SNTG1: variants seen among roughly 807,000 people sequenced by gnomAD.
SNTG1 encodes the protein syntrophin gamma 1.
SNTG1 carries 39 observed loss-of-function variants against 74.7 expected under a neutral mutation model. The ratio of observed to expected loss-of-function variants is 0.52; its 90% CI spans 0.40 to 0.68. SNTG1 has a LOEUF of 0.68. Among genes scored for constraint, SNTG1 ranks in the 30% least tolerant of loss-of-function variants. The pLI is 0.00. For synonymous variants in SNTG1, 254 were observed against 217.1 expected (o/e 1.17, Z -1.49); for missense variants, 685 against 609.5 (o/e 1.12, Z -1.30).
chr8:50,355,035 C>T (rs1049308278), intron 2 of SNTG1, among the ~76,000 whole-genome samples: 2 of 152,096 alleles, frequency 1.3e-5, no homozygotes, highest in Admixed American at 6.6e-5. Context: ...CCTTGAGAAG[C>T]GTGCATTGTT....
At chr8:50,696,760 A>G (rs946401319) in intron 15 of SNTG1, among the ~76,000 whole-genome samples, 4 of 151,630 alleles carry the variant, frequency 2.6e-5, no homozygotes, top group African/African-American at 9.7e-5. Context: ...CACTTGACTG[A>G]TGGCTTTATT....
chr8:50,178,732 G>A (rs1007960344), intron 2 of SNTG1, among the ~76,000 whole-genome samples: 8 of 151,762 alleles, frequency 5.3e-5, no homozygotes, highest in African/African-American at 1.7e-4. Context: ...TTATCATATC[G>A]AGATATATAT....
At chr8:50,591,189 G>C (rs1407983725) in intron 13 of SNTG1, among the ~76,000 whole-genome samples, 1 of 152,030 alleles carries the variant, frequency 6.6e-6, no homozygotes, top group Non-Finnish European at 1.5e-5. Context: ...GAAGAACTTA[G>C]AGTTTTATTT....
chr8:50,530,212 C>T lies in SNTG1; in HGVS notation c.502C>T (p.Pro168Ser). ...TGACCAGAGCAGTGGCACCTCCTCT[C>T]CTCTCTGTGACAGTGGCTTACATCT... ...PSDQSSGTSS[P>S]LCDSGLHLNY... The change falls in exon 10 of 19, where the codon CCT becomes TCT. Residue 168 changes from proline to serine, a missense_variant. Physicochemically the swap from Pro to Ser is moderately conservative, Grantham distance 74. Transcript: ENST00000642720. 1 of 1,613,818 alleles carries T rather than the reference C, an allele frequency of 6.2e-7. No homozygotes were observed. The highest frequency in any genetic ancestry group is 8.5e-7 in the Non-Finnish European group (1 of 1,179,806).
intron 1 of SNTG1, among the ~76,000 whole-genome samples, chr8:49,996,530 G>T (rs1198880561): frequency 6.6e-6 from 1 of 151,842 alleles, no homozygotes; most frequent in Non-Finnish European, 1.5e-5. Flanking sequence ...CATAAAGCTT[G>T]GAATAAGGAC....
intron 5 of SNTG1, among the ~76,000 whole-genome samples, chr8:50,447,168 C>T (rs1311683661): frequency 5.9e-5 from 9 of 152,106 alleles, no homozygotes; most frequent in Admixed American, 5.9e-4. Context: ...AGTCAACCCT[C>T]AGAAAAACTC....
chr8:50,722,878 A>G (rs2095491147), intron 17 of SNTG1, among the ~76,000 whole-genome samples: 1 of 152,208 alleles, frequency 6.6e-6, no homozygotes, highest in Admixed American at 6.5e-5. Flanking sequence ...TTTTTAATGA[A>G]ACACTGTTTT....
At position 50,038,224 on chromosome 8, in the gene SNTG1, T is replaced by A. The variant is rs578049433; in HGVS notation, c.-103+125993T>A. Among the ~76,000 whole-genome samples the A allele has an allele frequency of 5.3e-5, 8 of 152,286 alleles. No homozygotes were observed. In the East Asian group the frequency reaches 1.2e-3, roughly 22 times the overall value. ...TCCACCCTTCCCTCTGGCTGATCTA[T>A]GTACCCCTGAAAATAGAGCATCCAG... is the stretch of plus-strand genomic sequence containing the variant. On this transcript the variant is annotated intron_variant, in intron 1 of 18. Coordinates refer to ENST00000642720, the MANE Select transcript of SNTG1 (RefSeq NM_018967.5).
chr8:50,762,586 A>G (rs1434615794), intron 18 of SNTG1: 1 of 376,360 alleles, frequency 2.7e-6, no homozygotes, highest in Non-Finnish European at 5.3e-6. Context: ...GCTTCTTGGG[A>G]GTCTCCAAAT....
At chr8:49,980,901 T>TA (rs1585754550) in intron 1 of SNTG1, among the ~76,000 whole-genome samples, 4 of 151,982 alleles carry the variant, frequency 2.6e-5, no homozygotes, top group Non-Finnish European at 4.4e-5. Flanking sequence ...CACTTTTGCT[T>TA]AAAAAAATCT....
intron 2 of SNTG1, among the ~76,000 whole-genome samples, chr8:50,174,173 T>A (rs2082910357): frequency 6.6e-6 from 1 of 152,236 alleles, no homozygotes; most frequent in Admixed American, 6.5e-5. Context: ...GAACTCATTC[T>A]TTTTTATGCC....
intron 13 of SNTG1, among the ~76,000 whole-genome samples, chr8:50,623,447 G>T (rs1375892817): frequency 6.6e-6 from 1 of 151,982 alleles, no homozygotes; most frequent in Non-Finnish European, 1.5e-5. Flanking sequence ...GAATATAGTT[G>T]ATTTATATAA....
At chr8:50,104,779 T>C (rs2080299444) in intron 1 of SNTG1, among the ~76,000 whole-genome samples, 1 of 152,192 alleles carries the variant, frequency 6.6e-6, no homozygotes. Context: ...TTCTTGTTGG[T>C]TTCAAAGAAC....
chr8:50,386,961 T>A (rs1394064188), intron 2 of SNTG1, among the ~76,000 whole-genome samples: 1 of 152,074 alleles, frequency 6.6e-6, no homozygotes, highest in Non-Finnish European at 1.5e-5. Flanking sequence ...TGAGTGAGAG[T>A]CTATGACTCT....
chr8:50,042,104 C>T (rs1818687533), intron 1 of SNTG1, among the ~76,000 whole-genome samples: 1 of 152,186 alleles, frequency 6.6e-6, no homozygotes, highest in African/African-American at 2.4e-5. Context: ...GTTTGTATTT[C>T]TAACCTTTTC....
At chr8:50,101,793 G>A (rs2080137704) in intron 1 of SNTG1, among the ~76,000 whole-genome samples, 1 of 151,700 alleles carries the variant, frequency 6.6e-6, no homozygotes, top group Admixed American at 6.6e-5. Context: ...CCACCTATGA[G>A]TGAGAACATG....
chr8:50,046,059 T>C (rs1306915425), intron 1 of SNTG1, among the ~76,000 whole-genome samples: 1 of 152,246 alleles, frequency 6.6e-6, no homozygotes, highest in East Asian at 1.9e-4. Flanking sequence ...AGACAATACA[T>C]AAACAAATTA....
At chr8:50,574,645 T>C (rs1454686835) in intron 12 of SNTG1, among the ~76,000 whole-genome samples, 1 of 152,190 alleles carries the variant, frequency 6.6e-6, no homozygotes, top group Admixed American at 6.5e-5. Flanking sequence ...CTCAGAACAG[T>C]AATCATATTC....
chr8:50,730,073 A>C (rs2095509434), intron 17 of SNTG1, among the ~76,000 whole-genome samples: 1 of 152,208 alleles, frequency 6.6e-6, no homozygotes, highest in South Asian at 2.1e-4. Context: ...AAGATAGATC[A>C]GTTTCAGAGG....
Sources: allele counts gnomAD v4.1 joint callset (sites outside exome capture counted in the v4.1 genomes callset), GRCh38; gene constraint gnomAD v4.1.1; transcripts MANE v1.5; gene names NCBI Gene and HGNC (gene_info 2026-07-23, HGNC 2026-07-21).